CDK14: variants seen among roughly 807,000 people sequenced by gnomAD.
CDK14 encodes the protein cyclin dependent kinase 14.
A neutral mutation model predicts 60.7 loss-of-function variants in CDK14; 34 were observed. The ratio of observed to expected loss-of-function variants is 0.56; its 90% CI spans 0.43 to 0.75. CDK14 has a LOEUF of 0.75. Ranked by LOEUF, CDK14 falls within the 30% of genes least tolerant of loss-of-function variation. CDK14 has a pLI of 0.00. For synonymous variants in CDK14, 197 were observed against 203.7 expected (o/e 0.97, Z 0.28); for missense variants, 482 against 564.1 (o/e 0.85, Z 1.47).
intron 2 of CDK14, among the ~76,000 whole-genome samples, chr7:90,683,279 G>A (rs12690912): frequency 0.59 from 89,498 of 151,910 alleles, 26,594 homozygotes; most frequent in East Asian, 0.77. Context: ...TCCTGCAATG[G>A]CCTATAATTA....
chr7:90,696,336 CTTT>C (rs1554435989), intron 2 of CDK14, among the ~76,000 whole-genome samples: 49 of 125,688 alleles, frequency 3.9e-4, no homozygotes, highest in African/African-American at 1.2e-3. Context: ...ACTTCTTCTT[CTTT>C]TTTTTTTTTT....
intron 14 of CDK14, among the ~76,000 whole-genome samples, chr7:91,151,265 C>T (rs935684739): frequency 6.6e-6 from 1 of 152,182 alleles, no homozygotes; most frequent in Non-Finnish European, 1.5e-5. Flanking sequence ...GATTTGCTAA[C>T]AGGTACAAGT....
At chr7:91,008,476 T>C (rs1796057442) in intron 10 of CDK14, among the ~76,000 whole-genome samples, 1 of 152,210 alleles carries the variant, frequency 6.6e-6, no homozygotes, top group African/African-American at 2.4e-5. Context: ...TGTTGTTTGT[T>C]GTTAATTTTG....
intron 14 of CDK14, among the ~76,000 whole-genome samples, chr7:91,127,035 C>G (rs1799971428): frequency 6.6e-6 from 1 of 152,072 alleles, no homozygotes; most frequent in Non-Finnish European, 1.5e-5. Context: ...GGGGTGCCAC[C>G]TGGAACAGAA....
chr7:91,186,102 TCTCCCCTCCCCTCCC>T (rs1197762902), intron 14 of CDK14, among the ~76,000 whole-genome samples: 1 of 132,478 alleles, frequency 7.5e-6, no homozygotes, highest in Admixed American at 7.6e-5. Context: ...CTGTCTTCCT[TCTCCCCTCCCCTCCC>T]CTCTCCTCTC....
chr7:90,991,739 A>G (rs1206825984), intron 10 of CDK14, among the ~76,000 whole-genome samples: 2 of 152,232 alleles, frequency 1.3e-5, no homozygotes, highest in Admixed American at 6.5e-5. Flanking sequence ...ACATGGGTTT[A>G]TTAAGAAAGG....
intron 10 of CDK14, among the ~76,000 whole-genome samples, chr7:91,015,663 G>A (rs1339887748): frequency 6.6e-6 from 1 of 151,220 alleles, no homozygotes; most frequent in African/African-American, 2.4e-5. Flanking sequence ...GAGTAACTGG[G>A]ACTACAGGCA....
intron 2 of CDK14, among the ~76,000 whole-genome samples, chr7:90,607,159 G>A (rs1022999783): frequency 6.6e-6 from 1 of 152,202 alleles, no homozygotes; most frequent in Non-Finnish European, 1.5e-5. Context: ...CTCTGCTTAT[G>A]TACATAGGAA....
At chr7:90,848,096 G>A (rs1327498359) in intron 5 of CDK14, among the ~76,000 whole-genome samples, 1 of 151,804 alleles carries the variant, frequency 6.6e-6, no homozygotes, top group Non-Finnish European at 1.5e-5. Context: ...CAAGGCATAA[G>A]CATGTTTTCT....
At chr7:91,058,347 T>G (rs1286563291) in intron 11 of CDK14, among the ~76,000 whole-genome samples, 1 of 152,206 alleles carries the variant, frequency 6.6e-6, no homozygotes, top group Non-Finnish European at 1.5e-5. Context: ...TCATGTCATC[T>G]GCAAACAGGG....
chr7:90,864,824 G>A (rs899991931), intron 6 of CDK14, among the ~76,000 whole-genome samples: 11 of 152,090 alleles, frequency 7.2e-5, no homozygotes, highest in Non-Finnish European at 1.3e-4. Flanking sequence ...TTCTTTGTGT[G>A]AGTAAAATTT....
intron 5 of CDK14, among the ~76,000 whole-genome samples, chr7:90,845,705 C>T (rs1790447463): frequency 6.6e-6 from 1 of 152,032 alleles, no homozygotes. Flanking sequence ...AGGCACTACT[C>T]AATGCTAACC....
chr7:90,946,227 C>A (rs1794095298), intron 8 of CDK14, among the ~76,000 whole-genome samples: 2 of 152,150 alleles, frequency 1.3e-5, no homozygotes, highest in African/African-American at 2.4e-5. Flanking sequence ...GTATTTATTT[C>A]ATGGAATTAA....
rs562425771 is a variant in CDK14 at position 91,071,566 on chromosome 7, C to T, written c.1106-7866C>T. ...GATCCCACTCATGAGCCCATGCCAC[C>T]GGGGCCTAGGGTCCCAACCATGGAG... On this transcript the variant is annotated intron_variant, in intron 11 of 14. Coordinates refer to ENST00000380050, the MANE Select transcript of CDK14 (RefSeq NM_001287135.2). 2.6e-3 allele frequency among the ~76,000 whole-genome samples: 402 copies of T among 152,338 alleles called. 1 individual carries two copies. The highest frequency in any genetic ancestry group is 8.9e-3 in the African/African-American group (369 of 41,580).
intron 7 of CDK14, among the ~76,000 whole-genome samples, chr7:90,906,955 G>C (rs991646541): frequency 1.3e-5 from 2 of 151,972 alleles, no homozygotes; most frequent in African/African-American, 4.8e-5. Context: ...TACTTTAATT[G>C]CTTACAAAAT....
At chr7:91,148,091 CA>C (rs893962898) in intron 14 of CDK14, among the ~76,000 whole-genome samples, 7 of 152,126 alleles carry the variant, frequency 4.6e-5, no homozygotes, top group African/African-American at 1.7e-4. Flanking sequence ...AGGGAATTTG[CA>C]GGCCAGGTGT....
intron 8 of CDK14, among the ~76,000 whole-genome samples, chr7:90,947,766 T>C (rs1794141991): frequency 2.0e-5 from 3 of 152,286 alleles, no homozygotes; most frequent in South Asian, 2.1e-4. Flanking sequence ...AAGCCTCCCA[T>C]ACAAACACTC....
At position 90,649,133 on chromosome 7, in the gene CDK14, A is replaced by G. The variant is rs528450741; in HGVS notation, c.123+44884A>G. Among the ~76,000 whole-genome samples, 11 of 152,248 alleles carry G rather than the reference A, an allele frequency of 7.2e-5. No homozygotes were observed. In the South Asian group the frequency reaches 2.1e-3, roughly 29 times the overall value. On this transcript the variant is annotated intron_variant, in intron 2 of 14. Transcript: ENST00000380050. ...TTTCCAGTTTGTTCCTGGCAGTAGG[A>G]GACACTGGTGGAGAACTGAAATGCA...
At chr7:90,802,506 CAG>C (rs1788679906) in intron 5 of CDK14, among the ~76,000 whole-genome samples, 1 of 152,134 alleles carries the variant, frequency 6.6e-6, no homozygotes, top group African/African-American at 2.4e-5. Flanking sequence ...TTTGGTCTTA[CAG>C]TAAATTTTAA....
Sources: allele counts gnomAD v4.1 joint callset (sites outside exome capture counted in the v4.1 genomes callset), GRCh38; gene constraint gnomAD v4.1.1; transcripts MANE v1.5; gene names NCBI Gene and HGNC (gene_info 2026-07-23, HGNC 2026-07-21).